Variants in CPEB3 observed in about 807,000 individuals in gnomAD.
The protein encoded by CPEB3 is cytoplasmic polyadenylation element-binding protein 3.
CPEB3 carries 20 observed loss-of-function variants against 67.2 expected under a neutral mutation model. The observed-to-expected ratio is 0.30, with a 90% CI of 0.21 to 0.43. The LOEUF is 0.43. Among genes scored for constraint, CPEB3 ranks in the 20% least tolerant of loss-of-function variants. The pLI is 1.00. For missense variants in CPEB3, 746 were observed against 968.6 expected (o/e 0.77, Z 3.05); for synonymous variants, 376 against 393.1 (o/e 0.96, Z 0.51).
At chr10:92,083,766 T>C (rs1432873103) in intron 8 of CPEB3, among the ~76,000 whole-genome samples, 2 of 152,204 alleles carry the variant, frequency 1.3e-5, no homozygotes, top group Non-Finnish European at 2.9e-5. Context: ...TCTTCCACGA[T>C]AGGAAGGACT....
At chr10:92,162,015 C>T (rs191650491) in intron 4 of CPEB3, among the ~76,000 whole-genome samples, 9 of 152,146 alleles carry the variant, frequency 5.9e-5, no homozygotes, top group Non-Finnish European at 8.8e-5. Flanking sequence ...TTCTAATATC[C>T]TATCTATGCT....
intron 8 of CPEB3, among the ~76,000 whole-genome samples, chr10:92,084,609 T>G (rs1461253151): frequency 1.3e-5 from 2 of 152,186 alleles, no homozygotes; most frequent in Admixed American, 6.5e-5. Flanking sequence ...AGACGGAGTC[T>G]CACTCTGTTG....
At chr10:92,238,892 G>C (rs1238418040) in intron 2 of CPEB3, among the ~76,000 whole-genome samples, 8 of 152,214 alleles carry the variant, frequency 5.3e-5, no homozygotes, top group Admixed American at 5.2e-4. Flanking sequence ...CTCTTTAAGA[G>C]TAAAGTCAGG....
At chr10:92,105,360 T>TTTGTG (rs1416443652) in intron 7 of CPEB3, among the ~76,000 whole-genome samples, 2 of 152,244 alleles carry the variant, frequency 1.3e-5, no homozygotes, top group Non-Finnish European at 1.5e-5. Context: ...ATTTAATTTC[T>TTTGTG]CTCTATTCCC....
chr10:92,077,042 T>C (rs1423504849), intron 9 of CPEB3, among the ~76,000 whole-genome samples: 1 of 152,088 alleles, frequency 6.6e-6, no homozygotes, highest in Non-Finnish European at 1.5e-5. Flanking sequence ...GATATGAGAC[T>C]ACTACTAAAA....
intron 4 of CPEB3, among the ~76,000 whole-genome samples, chr10:92,177,548 CTT>C (rs1384310697): frequency 1.3e-5 from 2 of 152,200 alleles, no homozygotes; most frequent in African/African-American, 4.8e-5. Context: ...TCAGTAGACT[CTT>C]TGGTTTACAC....
chr10:92,088,803 C>T lies in CPEB3; in HGVS notation c.1687+3027G>A, dbSNP rs148061649. ...CCATATCTAGTCCAGGATCAGTCTA[C>T]ATAAAATGCTTAAAATAGTTTTAGA... On this transcript the variant is annotated intron_variant, in intron 8 of 9. Transcript: ENST00000265997. Among the ~76,000 whole-genome samples the T allele has an allele frequency of 3.1e-4, 47 of 152,272 alleles. 1 individual carries two copies. The highest frequency in any genetic ancestry group is 1.1e-3 in the African/African-American group (45 of 41,564).
At chr10:92,253,872 G>A (rs943179525) in intron 1 of CPEB3, among the ~76,000 whole-genome samples, 1 of 151,960 alleles carries the variant, frequency 6.6e-6, no homozygotes, top group Non-Finnish European at 1.5e-5. Flanking sequence ...AATAAACTAG[G>A]GGTTCCCTAT....
At chr10:92,173,713 G>A (rs1848106961) in intron 4 of CPEB3, among the ~76,000 whole-genome samples, 1 of 152,106 alleles carries the variant, frequency 6.6e-6, no homozygotes, top group Admixed American at 6.6e-5. Context: ...CAGCTTTCCA[G>A]TCTGTAAAAT....
chr10:92,068,415 C>T (rs1842634946), intron 9 of CPEB3, among the ~76,000 whole-genome samples: 2 of 152,188 alleles, frequency 1.3e-5, no homozygotes, highest in South Asian at 4.1e-4. Flanking sequence ...AGCACCCTGG[C>T]TATAACACAA....
intron 1 of CPEB3, among the ~76,000 whole-genome samples, chr10:92,278,473 C>T (rs1047457015): frequency 8.6e-5 from 13 of 152,004 alleles, no homozygotes; most frequent in Admixed American, 3.3e-4. Context: ...TTATTCTTTG[C>T]GATGCCTTTA....
chr10:92,138,845 A>G (rs1180599471), intron 6 of CPEB3, among the ~76,000 whole-genome samples: 1 of 152,230 alleles, frequency 6.6e-6, no homozygotes, highest in African/African-American at 2.4e-5. Context: ...TCATACTGCT[A>G]GGTATATATA....
chr10:92,152,223 C>T (rs1002237879), intron 4 of CPEB3, among the ~76,000 whole-genome samples: 6 of 152,106 alleles, frequency 3.9e-5, no homozygotes, highest in Non-Finnish European at 7.4e-5. Context: ...TAAAGAAACA[C>T]GACTTTTTTG....
chr10:92,255,610 G>A (rs1472938426), intron 1 of CPEB3, among the ~76,000 whole-genome samples: 2 of 152,142 alleles, frequency 1.3e-5, no homozygotes, highest in Non-Finnish European at 2.9e-5. Flanking sequence ...ACTCCGCAGG[G>A]CCACCATCTT....
intron 4 of CPEB3, among the ~76,000 whole-genome samples, chr10:92,148,902 C>CTTT (rs35237832): frequency 2.3e-5 from 3 of 131,274 alleles, no homozygotes; most frequent in East Asian, 2.1e-4. Context: ...CTAATACTGG[C>CTTT]TTTTTTTTTT....
At chr10:92,191,134 G>A (rs1296354051) in intron 3 of CPEB3, among the ~76,000 whole-genome samples, 3 of 151,628 alleles carry the variant, frequency 2.0e-5, no homozygotes, top group Non-Finnish European at 4.4e-5. Context: ...AGTATCAGCC[G>A]GGTGCGGTGG....
chr10:92,157,662 T>C (rs1463885597), intron 4 of CPEB3, among the ~76,000 whole-genome samples: 1 of 152,094 alleles, frequency 6.6e-6, no homozygotes, highest in Non-Finnish European at 1.5e-5. Flanking sequence ...GCCAACCTAA[T>C]AAGATCAAGA....
intron 4 of CPEB3, among the ~76,000 whole-genome samples, chr10:92,163,385 G>A (rs1847589797): frequency 6.6e-6 from 1 of 151,882 alleles, no homozygotes; most frequent in Non-Finnish European, 1.5e-5. Context: ...AGTGAGCCAA[G>A]ATTGAGCCAT....
At chr10:92,247,562 T>A (rs1414220907) in intron 1 of CPEB3, among the ~76,000 whole-genome samples, 1 of 152,088 alleles carries the variant, frequency 6.6e-6, no homozygotes, top group African/African-American at 2.4e-5. Context: ...CATGCCCAGC[T>A]AATTTTGTAT....
Sources: allele counts gnomAD v4.1 joint callset (sites outside exome capture counted in the v4.1 genomes callset), GRCh38; gene constraint gnomAD v4.1.1; transcripts MANE v1.5; gene names NCBI Gene and HGNC (gene_info 2026-07-23, HGNC 2026-07-21).